NAALADL2: variants seen among roughly 807,000 people sequenced by gnomAD.
NAALADL2 encodes inactive N-acetylated-alpha-linked acidic dipeptidase-like protein 2.
A neutral mutation model predicts 87.2 loss-of-function variants in NAALADL2; 76 were observed. The ratio of observed to expected loss-of-function variants is 0.87; its 90% confidence interval spans 0.72 to 1.05. The LOEUF (loss-of-function observed/expected upper bound fraction) is 1.05. Among genes scored for constraint, NAALADL2 ranks in the 50% least tolerant of loss-of-function variants. The pLI, the probability that NAALADL2 is intolerant of heterozygous loss-of-function variation, is 0.00. For missense variants in NAALADL2, 1,089 were observed against 945.8 expected (o/e 1.15, Z -1.99); for synonymous variants, 354 against 331.0 (o/e 1.07, Z -0.75).
At chr3:175,158,040 C>T (rs907780081) in intron 2 of NAALADL2, among the ~76,000 whole-genome samples, 30 of 151,996 alleles carry the variant, frequency 2.0e-4, no homozygotes, top group African/African-American at 4.3e-4. Flanking sequence ...ACTTTGTAGA[C>T]GAAACATATT....
intron 1 of NAALADL2, among the ~76,000 whole-genome samples, chr3:175,066,132 G>A (rs75381605): frequency 0.11 from 16,885 of 152,078 alleles, 1,051 homozygotes; most frequent in East Asian, 0.21. Context: ...CAGGGTGACT[G>A]TTCCACCACT....
chr3:175,298,967 T>C (rs1756700248), intron 4 of NAALADL2, among the ~76,000 whole-genome samples: 2 of 152,162 alleles, frequency 1.3e-5, no homozygotes, highest in East Asian at 1.9e-4. Flanking sequence ...ACATCATTAA[T>C]TTTGAAACTA....
intron 10 of NAALADL2, among the ~76,000 whole-genome samples, chr3:175,607,911 A>ACACG (rs113346198): frequency 2.5e-4 from 7 of 28,376 alleles, no homozygotes; most frequent in African/African-American, 7.6e-4. Flanking sequence ...ACACACACAC[A>ACACG]CGCACACACA....
rs187501459 is a variant in NAALADL2, at chr3:174,495,028, C to T, written c.-184+53996C>T. Among the ~76,000 whole-genome samples, 74 of 152,166 alleles carry T rather than the reference C, an allele frequency of 4.9e-4. 1 individual carries two copies. The East Asian group carries it at 0.01, about 21-fold the overall frequency. On this transcript the variant is annotated intron_variant, in intron 1 of 3. Transcript: ENST00000434257. ...TATACCCCAAAGACCACTGTTAAAC[C>T]ATCTGAAAGTGAATGTAATAGTGTT...
In NAALADL2 at chr3:175,010,802, A is replaced by T. The variant is rs76499721; in HGVS notation, c.44-85988A>T. On this transcript the variant is annotated intron_variant, in intron 1 of 13. Transcript: ENST00000454872. Reference sequence around the variant, plus strand: ...CTGCTTGTATAGTCTAGTATCATAAAGCGAGAGTATAGTCTGTACAGGATA... The same window carrying T: ...CTGCTTGTATAGTCTAGTATCATAATGCGAGAGTATAGTCTGTACAGGATA... Among the ~76,000 whole-genome samples the T allele has an allele frequency of 1.3e-3, 201 of 152,242 alleles. 2 individuals are homozygous for T. Among genetic ancestry groups the T allele is most frequent in the East Asian group, 4.7e-3 (24 of 5,160 alleles).
chr3:174,633,763 G>A (rs1316789357), intron 2 of NAALADL2, among the ~76,000 whole-genome samples: 1 of 152,106 alleles, frequency 6.6e-6, no homozygotes, highest in African/African-American at 2.4e-5. Context: ...GAATCTTAAT[G>A]CTTTAGATAC....
chr3:175,212,539 T>A (rs1442330558), intron 2 of NAALADL2, among the ~76,000 whole-genome samples: 1 of 150,662 alleles, frequency 6.6e-6, no homozygotes, highest in African/African-American at 2.4e-5. Context: ...CCATGAATCA[T>A]AAATTTTCTT....
chr3:175,193,930 C>G (rs1332772809), intron 2 of NAALADL2, among the ~76,000 whole-genome samples: 1 of 151,816 alleles, frequency 6.6e-6, no homozygotes, highest in Non-Finnish European at 1.5e-5. Context: ...ACCATTAGGA[C>G]TTTTAACAGA....
At chr3:174,714,363 T>C (rs1212551296) in intron 2 of NAALADL2, among the ~76,000 whole-genome samples, 1 of 152,216 alleles carries the variant, frequency 6.6e-6, no homozygotes, top group African/African-American at 2.4e-5. Flanking sequence ...TTGATGGGGA[T>C]GGCATTGAAT....
chr3:174,578,069 A>G (rs1188169767), intron 2 of NAALADL2, among the ~76,000 whole-genome samples: 7 of 152,044 alleles, frequency 4.6e-5, no homozygotes, highest in Admixed American at 3.9e-4. Flanking sequence ...ATCAATAGGA[A>G]TTATTCAATT....
chr3:174,659,245 T>C (rs1402513428), intron 2 of NAALADL2, among the ~76,000 whole-genome samples: 1 of 152,186 alleles, frequency 6.6e-6, no homozygotes, highest in Non-Finnish European at 1.5e-5. Context: ...AAAACTATGT[T>C]CCCTCGTTTA....
chr3:174,504,750 C>A (rs1488936263), intron 1 of NAALADL2, among the ~76,000 whole-genome samples: 1 of 152,036 alleles, frequency 6.6e-6, no homozygotes, highest in Admixed American at 6.6e-5. Flanking sequence ...TGGAACTGGT[C>A]TTATGAAAAT....
At chr3:174,788,408 T>G (rs1717059842) in intron 3 of NAALADL2, among the ~76,000 whole-genome samples, 2 of 152,110 alleles carry the variant, frequency 1.3e-5, no homozygotes, top group Admixed American at 1.3e-4. Flanking sequence ...TAACACAAAT[T>G]TATTTTCTCA....
At chr3:175,716,868 C>A (rs1207143785) in intron 11 of NAALADL2, among the ~76,000 whole-genome samples, 2 of 152,106 alleles carry the variant, frequency 1.3e-5, no homozygotes, top group East Asian at 3.9e-4. Context: ...TATAGACTTA[C>A]TTTCTGGTCC....
intron 1 of NAALADL2, among the ~76,000 whole-genome samples, chr3:175,026,047 A>C (rs1752176219): frequency 6.6e-6 from 1 of 151,960 alleles, no homozygotes. Flanking sequence ...CTGGGCTCAA[A>C]CCATACACTT....
intron 2 of NAALADL2, among the ~76,000 whole-genome samples, chr3:174,691,271 G>C (rs1463785740): frequency 6.6e-6 from 1 of 152,028 alleles, no homozygotes; most frequent in Non-Finnish European, 1.5e-5. Flanking sequence ...AATTAGCCAG[G>C]TGTGATGACG....
chr3:174,706,933 A>T (rs1730127274), intron 2 of NAALADL2, among the ~76,000 whole-genome samples: 1 of 152,174 alleles, frequency 6.6e-6, no homozygotes, highest in Non-Finnish European at 1.5e-5. Flanking sequence ...GTTTGTCAAG[A>T]ACTCAAACAA....
chr3:175,247,880 A>T (rs1443390686), intron 3 of NAALADL2, among the ~76,000 whole-genome samples: 1 of 152,196 alleles, frequency 6.6e-6, no homozygotes, highest in African/African-American at 2.4e-5. Flanking sequence ...TTTTATCATC[A>T]TCCAGATTGG....
chr3:174,742,188 T>C (rs1026243727), intron 3 of NAALADL2, among the ~76,000 whole-genome samples: 1 of 151,694 alleles, frequency 6.6e-6, no homozygotes, highest in Non-Finnish European at 1.5e-5. Flanking sequence ...AATAAAAATA[T>C]TTATGGTGAG....
Sources: gnomAD v4.1 joint callset for allele counts (sites outside exome capture counted in the v4.1 genomes callset) on GRCh38, gnomAD v4.1.1 for gene constraint, MANE v1.5 for transcripts, NCBI Gene and HGNC (gene_info 2026-07-23, HGNC 2026-07-21) for gene names.